The following PPHLN1 variants were observed in gnomAD, a reference collection of about 807,000 sequenced individuals.
PPHLN1 encodes the protein periphilin 1.
Under a neutral mutation model 51.3 loss-of-function variants are expected in PPHLN1, and 29 were observed. The ratio of observed to expected loss-of-function variants is 0.57; its 90% CI spans 0.42 to 0.77. The LOEUF (loss-of-function observed/expected upper bound fraction) is 0.77. PPHLN1 is among the 30% of genes least tolerant of loss of function. The pLI, the probability that PPHLN1 is intolerant of heterozygous loss-of-function variation, is 0.00. For synonymous variants in PPHLN1, 147 were observed against 147.8 expected, an observed-to-expected ratio of 0.99 and a Z score of 0.04; for missense variants, 436 against 438.4, an observed-to-expected ratio of 0.99 and a Z score of 0.05.
intron 9 of PPHLN1, among the ~76,000 whole-genome samples, chr12:42,406,319 A>G (rs1039204380): frequency 6.6e-6 from 1 of 152,124 alleles, no homozygotes; most frequent in African/African-American, 2.4e-5. Context: ...TGACCTCGTG[A>G]TCCGCCTGCC....
At chr12:42,368,063 T>A (rs894175442) in intron 4 of PPHLN1, among the ~76,000 whole-genome samples, 1 of 152,212 alleles carries the variant, frequency 6.6e-6, no homozygotes, top group African/African-American at 2.4e-5. Context: ...ATATTAATAT[T>A]TAAGACTGGC....
chr12:42,375,342 C>A, intron 5 of PPHLN1: 1 of 230,252 alleles, frequency 4.3e-6, no homozygotes, highest in East Asian at 9.6e-5. Context: ...TTCAGAGTCT[C>A]GCTCTGTCTC....
At chr12:42,332,287 G>A (rs1024443010) in intron 1 of PPHLN1, among the ~76,000 whole-genome samples, 2 of 152,156 alleles carry the variant, frequency 1.3e-5, no homozygotes, top group African/African-American at 2.4e-5. Context: ...ATTACCATAG[G>A]AGATGGTAAT....
chr12:42,370,155 T>C (rs1429970244), intron 4 of PPHLN1, among the ~76,000 whole-genome samples: 1 of 152,204 alleles, frequency 6.6e-6, no homozygotes, highest in African/African-American at 2.4e-5. Context: ...TTTTAACATT[T>C]CGTGTGCATA....
chr12:42,402,573 C>T (rs1280848927), intron 9 of PPHLN1, among the ~76,000 whole-genome samples: 1 of 152,120 alleles, frequency 6.6e-6, no homozygotes, highest in Non-Finnish European at 1.5e-5. Context: ...TAGGTCTCTT[C>T]CTGATCTAAA....
intron 4 of PPHLN1, 137 bp downstream of exon 4, chr12:42,355,359 T>C (rs2073914655): frequency 2.8e-6 from 2 of 711,886 alleles, no homozygotes; most frequent in Non-Finnish European, 4.8e-6. Flanking sequence ...AAGCATTATA[T>C]TCTTTTTGTG....
At chr12:42,353,131 G>A (rs1027880459) in intron 3 of PPHLN1, among the ~76,000 whole-genome samples, 2 of 151,814 alleles carry the variant, frequency 1.3e-5, no homozygotes, top group Non-Finnish European at 2.9e-5. Context: ...ATTACAACTC[G>A]CTTCTCTTGA....
intron 9 of PPHLN1, among the ~76,000 whole-genome samples, chr12:42,401,627 C>T (rs1414485496): frequency 6.6e-6 from 1 of 152,018 alleles, no homozygotes; most frequent in Non-Finnish European, 1.5e-5. Context: ...ACTGCAGACA[C>T]GAGGGATCTA....
chr12:42,413,497 A>G (rs1000579091), intron 9 of PPHLN1, among the ~76,000 whole-genome samples: 4 of 149,972 alleles, frequency 2.7e-5, no homozygotes, highest in Non-Finnish European at 4.4e-5. Context: ...TACCAGTACC[A>G]TGCTGTTTTG....
At chr12:42,364,673 C>T (rs1169012565) in intron 4 of PPHLN1, among the ~76,000 whole-genome samples, 1 of 152,026 alleles carries the variant, frequency 6.6e-6, no homozygotes, top group Non-Finnish European at 1.5e-5. Flanking sequence ...GTAATCTAAG[C>T]ACTTTGGGAG....
intron 9 of PPHLN1, among the ~76,000 whole-genome samples, chr12:42,435,609 T>C (rs1460008261): frequency 6.6e-6 from 1 of 152,232 alleles, no homozygotes; most frequent in Non-Finnish European, 1.5e-5. Flanking sequence ...CATCAACACA[T>C]TAAACATTAT....
chr12:42,332,575 C>A, intron 1 of PPHLN1: 1 of 908,156 alleles, frequency 1.1e-6, no homozygotes. Context: ...TCTGTTTATA[C>A]AATTAATGAA....
At chr12:42,361,483 C>G (rs2074680420) in intron 4 of PPHLN1, 1 of 152,078 alleles carries the variant, frequency 6.6e-6, no homozygotes, top group Non-Finnish European at 1.5e-5. Flanking sequence ...CTCTTTACTC[C>G]CTTAAAACAG....
downstream of PPHLN1, chr12:42,442,596 A>G: frequency 1.9e-6 from 3 of 1,612,268 alleles, no homozygotes; most frequent in Non-Finnish European, 2.5e-6. Flanking sequence ...TTCTTACACA[A>G]AATACCTGCG....
intron 9 of PPHLN1, among the ~76,000 whole-genome samples, chr12:42,411,051 A>G (rs1050511552): frequency 6.6e-6 from 1 of 152,086 alleles, no homozygotes; most frequent in Non-Finnish European, 1.5e-5. Flanking sequence ...CTGGAAAATT[A>G]TAGTGTTATC....
intron 9 of PPHLN1, among the ~76,000 whole-genome samples, chr12:42,428,799 T>A (rs1434842254): frequency 2.7e-5 from 4 of 150,532 alleles, no homozygotes; most frequent in African/African-American, 7.3e-5. Context: ...TTAAAAAAAA[T>A]GAAGTTTGCC....
intron 9 of PPHLN1, among the ~76,000 whole-genome samples, chr12:42,438,306 G>A (rs79338537): frequency 0.028 from 4,230 of 152,234 alleles, 216 homozygotes; most frequent in African/African-American, 0.097. Flanking sequence ...GGAGAGTTCT[G>A]TGGCTCTACA....
rs1434628567 is a variant in PPHLN1, at chr12:42,432,451, T to C, written c.910-8864T>C. 9.2e-6 allele frequency: 7 copies of C among 763,234 alleles called. No individual in the cohort carries two copies. The African/African-American group carries it at 1.0e-4, about 11-fold the overall frequency. 47.3% of individuals were successfully genotyped at this position (763,234 alleles called of 1,614,324 possible). On this transcript the variant is annotated intron_variant, in intron 9 of 9. Coordinates refer to ENST00000358314, the MANE Select transcript of PPHLN1 (RefSeq NM_201439.2). ...ATACAAATGGAATCATACTGTCTTC[T>C]CTGGGTAGTTTATTTTCACTGTCCC...
intron 9 of PPHLN1, among the ~76,000 whole-genome samples, chr12:42,422,703 T>C (rs1566000577): frequency 6.6e-6 from 1 of 152,208 alleles, no homozygotes; most frequent in Non-Finnish European, 1.5e-5. Flanking sequence ...CAAGGTTCAT[T>C]TGATTTTTAA....
Sources: allele counts gnomAD v4.1 joint callset (sites outside exome capture counted in the v4.1 genomes callset), GRCh38; gene constraint gnomAD v4.1.1; transcripts MANE v1.5; gene names NCBI Gene and HGNC (gene_info 2026-07-23, HGNC 2026-07-21).